NAV2: variants seen among roughly 807,000 people sequenced by gnomAD.
NAV2 encodes the protein neuron navigator 2, also known as helicase, APC down-regulated 1.
In NAV2, 54 loss-of-function variants were observed where a neutral mutation model predicts 223.2. The observed-to-expected ratio is 0.24, with a 90% CI of 0.19 to 0.30. The LOEUF (loss-of-function observed/expected upper bound fraction) is 0.30. NAV2 is among the 10% of genes least tolerant of loss of function. NAV2 has a pLI of 1.00. For missense variants in NAV2, 2,806 were observed against 3,147.5 expected (o/e 0.89, Z 2.60); for synonymous variants, 1,279 against 1,239.3 (o/e 1.03, Z -0.67).
chr11:19,899,090 C>T (rs988325122), intron 6 of NAV2, among the ~76,000 whole-genome samples: 7 of 152,128 alleles, frequency 4.6e-5, no homozygotes, highest in Admixed American at 6.5e-5. Flanking sequence ...CTTCAGTTGG[C>T]GCTGGCTATT....
chr11:19,476,035 C>G (rs571398097), intron 1 of NAV2, among the ~76,000 whole-genome samples: 2 of 152,130 alleles, frequency 1.3e-5, no homozygotes, highest in Admixed American at 1.3e-4. Flanking sequence ...AGTGCAGCGG[C>G]GGGATCTTGG....
At chr11:19,704,329 G>A (rs902854058) in intron 1 of NAV2, among the ~76,000 whole-genome samples, 11 of 152,140 alleles carry the variant, frequency 7.2e-5, no homozygotes, top group African/African-American at 2.4e-4. Context: ...TCATTTAAAT[G>A]CCATATATAA....
intron 1 of NAV2, among the ~76,000 whole-genome samples, chr11:19,375,419 A>T (rs746845600): frequency 6.6e-6 from 1 of 152,114 alleles, no homozygotes; most frequent in Non-Finnish European, 1.5e-5. Flanking sequence ...TTCTCCTACA[A>T]TCTAGCAAAA....
At chr11:19,622,006 G>A (rs1341203192) in intron 1 of NAV2, among the ~76,000 whole-genome samples, 1 of 152,132 alleles carries the variant, frequency 6.6e-6, no homozygotes, top group Non-Finnish European at 1.5e-5. Context: ...CCTTCATTTC[G>A]TTATGTACCC....
intron 1 of NAV2, among the ~76,000 whole-genome samples, chr11:19,389,218 A>G (rs1158031997): frequency 6.6e-6 from 1 of 152,182 alleles, no homozygotes. Context: ...CTAGCAGTCA[A>G]TCCACCAGGT....
chr11:19,604,724 C>T (rs1022421828), intron 1 of NAV2, among the ~76,000 whole-genome samples: 4 of 152,130 alleles, frequency 2.6e-5, no homozygotes, highest in Admixed American at 2.0e-4. Flanking sequence ...GGCTATGTCC[C>T]CATCCAAATC....
intron 22 of NAV2, among the ~76,000 whole-genome samples, chr11:20,074,378 G>T (rs1281851431): frequency 6.6e-6 from 1 of 152,196 alleles, no homozygotes; most frequent in African/African-American, 2.4e-5. Flanking sequence ...TAGAATAAGT[G>T]TGATGTGGTG....
intron 2 of NAV2, among the ~76,000 whole-genome samples, chr11:19,839,550 T>C (rs1372762089): frequency 2.6e-5 from 4 of 152,240 alleles, no homozygotes; most frequent in Admixed American, 6.5e-5. Flanking sequence ...CTTCTTTCTG[T>C]TGATGATCTA....
chr11:19,673,368 T>C (rs1339184668), intron 1 of NAV2, among the ~76,000 whole-genome samples: 1 of 152,212 alleles, frequency 6.6e-6, no homozygotes, highest in Non-Finnish European at 1.5e-5. Context: ...ATAAATCCTA[T>C]TATTATCATC....
chr11:19,602,444 G>C (rs1270252172), intron 1 of NAV2, among the ~76,000 whole-genome samples: 1 of 152,096 alleles, frequency 6.6e-6, no homozygotes, highest in East Asian at 1.9e-4. Flanking sequence ...CCAAAGTGCT[G>C]GGATGACAGG....
intron 1 of NAV2, among the ~76,000 whole-genome samples, chr11:19,728,771 T>G (rs1025213638): frequency 6.6e-6 from 1 of 152,236 alleles, no homozygotes; most frequent in African/African-American, 2.4e-5. Context: ...TACTGTTATA[T>G]ATGGATAGAA....
chr11:19,960,103 C>T (rs1565647800), intron 10 of NAV2, among the ~76,000 whole-genome samples: 1 of 152,202 alleles, frequency 6.6e-6, no homozygotes, highest in African/African-American at 2.4e-5. Flanking sequence ...CAGTTCCAGG[C>T]CCCTGACTGT....
At chr11:19,372,607 C>G (rs1186936901) in intron 1 of NAV2, among the ~76,000 whole-genome samples, 1 of 152,144 alleles carries the variant, frequency 6.6e-6, no homozygotes, top group Non-Finnish European at 1.5e-5. Context: ...CACTGAGTCC[C>G]CATCCCTTTG....
At chr11:19,373,778 C>T (rs1242337613) in intron 1 of NAV2, among the ~76,000 whole-genome samples, 3 of 152,180 alleles carry the variant, frequency 2.0e-5, no homozygotes, top group African/African-American at 7.2e-5. Flanking sequence ...TAGCCCTGAA[C>T]CTAGAATGTG....
At chr11:20,051,400 T>C (rs563015214) in intron 17 of NAV2, 67 bp downstream of exon 17, 2 of 1,480,716 alleles carry the variant, frequency 1.4e-6, no homozygotes, top group African/African-American at 2.8e-5. Context: ...GTGTGACTCC[T>C]TCATGGCTGG....
At chr11:19,610,698 G>T (rs994149270) in intron 1 of NAV2, among the ~76,000 whole-genome samples, 2 of 152,164 alleles carry the variant, frequency 1.3e-5, no homozygotes, top group African/African-American at 2.4e-5. Context: ...GGATGGATAA[G>T]TAGATGGATG....
intron 36 of NAV2, among the ~76,000 whole-genome samples, chr11:20,112,085 A>G (rs2062685417): frequency 6.6e-6 from 1 of 152,182 alleles, no homozygotes; most frequent in Admixed American, 6.5e-5. Flanking sequence ...AATGCAGCCC[A>G]GTTTCCACAG....
At chr11:19,762,611 C>CTTTTT (rs35264238) in intron 1 of NAV2, among the ~76,000 whole-genome samples, 11 of 109,540 alleles carry the variant, frequency 1.0e-4, no homozygotes, top group East Asian at 2.5e-4. Flanking sequence ...GAGAAGTCTT[C>CTTTTT]TTTTTTTTTT....
intron 1 of NAV2, among the ~76,000 whole-genome samples, chr11:19,582,173 G>A (rs539965464): frequency 1.3e-5 from 2 of 152,318 alleles, no homozygotes; most frequent in African/African-American, 2.4e-5. Context: ...CTTTTGAGAA[G>A]TGTCTGTTCA....
Sources: allele counts gnomAD v4.1 joint callset (sites outside exome capture counted in the v4.1 genomes callset), GRCh38; gene constraint gnomAD v4.1.1; transcripts MANE v1.5; gene names NCBI Gene and HGNC (gene_info 2026-07-23, HGNC 2026-07-21).